The following DOCK3 variants were observed in gnomAD, a reference collection of about 807,000 sequenced individuals.
DOCK3 encodes dedicator of cytokinesis protein 3.
In DOCK3, 60 loss-of-function variants were observed where a neutral mutation model predicts 265.6. The ratio of observed to expected loss-of-function variants is 0.23; its 90% confidence interval spans 0.18 to 0.28. The LOEUF (loss-of-function observed/expected upper bound fraction) is 0.28, where lower values mean the gene tolerates loss of function less well. DOCK3 is among the 10% of genes least tolerant of loss of function. DOCK3 has a pLI of 1.00. For missense variants in DOCK3, 1,981 were observed against 2,594.3 expected (o/e 0.76, Z 5.14); for synonymous variants, 881 against 938.0 (o/e 0.94, Z 1.11).
At chr3:50,848,116 C>A (rs1187969532) in intron 3 of DOCK3, among the ~76,000 whole-genome samples, 1 of 151,740 alleles carries the variant, frequency 6.6e-6, no homozygotes, top group East Asian at 1.9e-4. Flanking sequence ...AGAATAGTAA[C>A]CCCTGATCTT....
At chr3:50,776,035 G>A (rs1179721724) in intron 1 of DOCK3, among the ~76,000 whole-genome samples, 1 of 152,166 alleles carries the variant, frequency 6.6e-6, no homozygotes, top group African/African-American at 2.4e-5. Context: ...TGTGAATTGT[G>A]CTGCTATAAA....
intron 5 of DOCK3, among the ~76,000 whole-genome samples, chr3:51,034,492 T>C (rs2080179553): frequency 6.6e-6 from 1 of 152,164 alleles, no homozygotes; most frequent in South Asian, 2.1e-4. Flanking sequence ...GAAATGTAGA[T>C]ACTTTACAAC....
At chr3:51,345,773 T>G (rs1330077954) in intron 38 of DOCK3, among the ~76,000 whole-genome samples, 4 of 152,252 alleles carry the variant, frequency 2.6e-5, no homozygotes, top group African/African-American at 7.2e-5. Flanking sequence ...TGTACTCTTT[T>G]GAGAAACACA....
At chr3:50,924,858 A>C (rs1165529899) in intron 4 of DOCK3, among the ~76,000 whole-genome samples, 1 of 152,214 alleles carries the variant, frequency 6.6e-6, no homozygotes, top group Non-Finnish European at 1.5e-5. Flanking sequence ...ACTGGGGACA[A>C]TTATGCGGGT....
chr3:50,887,954 C>T (rs552679909), intron 3 of DOCK3, among the ~76,000 whole-genome samples: 8 of 152,276 alleles, frequency 5.3e-5, no homozygotes, highest in African/African-American at 1.7e-4. Flanking sequence ...TGGCACAAGA[C>T]AGGGATGCCC....
intron 9 of DOCK3, among the ~76,000 whole-genome samples, chr3:51,102,727 A>G (rs1358917838): frequency 6.6e-6 from 1 of 152,206 alleles, no homozygotes; most frequent in Non-Finnish European, 1.5e-5. Context: ...AATAATTATG[A>G]CTCATTAGAA....
intron 3 of DOCK3, among the ~76,000 whole-genome samples, chr3:50,873,843 G>C (rs950081541): frequency 6.6e-6 from 1 of 152,164 alleles, no homozygotes; most frequent in African/African-American, 2.4e-5. Flanking sequence ...TGAGTTCAGT[G>C]CCTCCCAATT....
At chr3:51,196,880 T>C (rs899893721) in intron 12 of DOCK3, among the ~76,000 whole-genome samples, 4 of 152,268 alleles carry the variant, frequency 2.6e-5, no homozygotes, top group Admixed American at 6.5e-5. Flanking sequence ...GATTAAGATC[T>C]ATTTTTGGAT....
At chr3:50,851,327 G>A (rs1265209930) in intron 3 of DOCK3, among the ~76,000 whole-genome samples, 8 of 152,184 alleles carry the variant, frequency 5.3e-5, no homozygotes, top group Admixed American at 4.6e-4. Context: ...CTGAATGCCT[G>A]GAGATCTGCT....
chr3:50,760,761 T>A (rs1043468223), intron 1 of DOCK3, among the ~76,000 whole-genome samples: 1 of 152,222 alleles, frequency 6.6e-6, no homozygotes, highest in African/African-American at 2.4e-5. Flanking sequence ...GTTTGCTACC[T>A]CTAATAGTTT....
intron 5 of DOCK3, among the ~76,000 whole-genome samples, chr3:50,982,866 G>A (rs545086860): frequency 1.3e-5 from 2 of 152,236 alleles, no homozygotes; most frequent in South Asian, 4.2e-4. Context: ...CTGCCTGCAT[G>A]CTCCACTGAG....
intron 1 of DOCK3, among the ~76,000 whole-genome samples, chr3:50,729,523 A>G (rs2038060231): frequency 6.6e-6 from 1 of 151,834 alleles, no homozygotes; most frequent in Admixed American, 6.6e-5. Flanking sequence ...ATATCTCCCA[A>G]TGCTATCCCT....
In DOCK3 at chr3:51,255,655, G is replaced by A. The variant is rs141601808; in HGVS notation, c.2185-4501G>A. On this transcript the variant is annotated intron_variant, in intron 22 of 52. Coordinates refer to ENST00000266037, the MANE Select transcript of DOCK3 (RefSeq NM_004947.5). The stretch of plus-strand genomic sequence containing the variant: ...ACCCTTTCTTCCAGTTGATCGAATC[G>A]GCTACTGAAGCTTGTGCATGCATCA... Among the ~76,000 whole-genome samples, 450 of 151,844 alleles carry A rather than the reference G, an allele frequency of 3.0e-3. 1 individual carries two copies. Among genetic ancestry groups the A allele is most frequent in the African/African-American group, 0.01 (423 of 41,342 alleles).
At chr3:50,845,164 A>C (rs1189059522) in intron 3 of DOCK3, among the ~76,000 whole-genome samples, 1 of 152,162 alleles carries the variant, frequency 6.6e-6, no homozygotes, top group Non-Finnish European at 1.5e-5. Flanking sequence ...TGGGGGTTGC[A>C]GTGAGCCGAG....
At chr3:51,353,069 G>A (rs2086111367) in intron 40 of DOCK3, among the ~76,000 whole-genome samples, 1 of 152,148 alleles carries the variant, frequency 6.6e-6, no homozygotes, top group Non-Finnish European at 1.5e-5. Context: ...CTTCTTGAGG[G>A]AATTTATATT....
intron 1 of DOCK3, chr3:50,719,869 G>GA: frequency 1.5e-6 from 1 of 677,218 alleles, no homozygotes; most frequent in South Asian, 1.6e-5. Flanking sequence ...CTCAGAGCAT[G>GA]AAGTTTTCTG....
At chr3:51,171,068 T>C (rs2086654526) in intron 12 of DOCK3, among the ~76,000 whole-genome samples, 2 of 152,202 alleles carry the variant, frequency 1.3e-5, no homozygotes, top group African/African-American at 2.4e-5. Context: ...CTAACTTTCA[T>C]TATTTTCTTC....
intron 1 of DOCK3, among the ~76,000 whole-genome samples, chr3:50,676,201 G>T (rs2033944713): frequency 6.6e-6 from 1 of 152,170 alleles, no homozygotes; most frequent in African/African-American, 2.4e-5. Context: ...TCTAAACATA[G>T]ATTTTTGTTT....
chr3:51,318,907 T>A (rs1263278734), intron 32 of DOCK3, among the ~76,000 whole-genome samples: 1 of 152,156 alleles, frequency 6.6e-6, no homozygotes, highest in African/African-American at 2.4e-5. Flanking sequence ...TAACATTATA[T>A]CCTGTACCCT....
Sources: allele counts gnomAD v4.1 joint callset (sites outside exome capture counted in the v4.1 genomes callset), GRCh38; gene constraint gnomAD v4.1.1; transcripts MANE v1.5; gene names NCBI Gene and HGNC (gene_info 2026-07-23, HGNC 2026-07-21).